The following SYT1 variants were observed in gnomAD, a reference collection of about 807,000 sequenced individuals.
The protein encoded by SYT1 is synaptotagmin 1, also known as synaptotagmin-1.
A neutral mutation model predicts 44.8 loss-of-function variants in SYT1; 8 were observed. The ratio of observed to expected loss-of-function variants is 0.18; its 90% CI spans 0.10 to 0.32. The LOEUF (loss-of-function observed/expected upper bound fraction) is 0.32. SYT1 is among the 10% of genes least tolerant of loss of function. The pLI is 1.00. For missense variants in SYT1, 286 were observed against 509.3 expected (o/e 0.56, Z 4.22); for synonymous variants, 154 against 188.8 (o/e 0.82, Z 1.51).
At chr12:79,097,447 G>A (rs1878201754) in intron 3 of SYT1, among the ~76,000 whole-genome samples, 1 of 151,950 alleles carries the variant, frequency 6.6e-6, no homozygotes, top group Non-Finnish European at 1.5e-5. Flanking sequence ...TTAGCCAGAG[G>A]TCATTGATAT....
chr12:79,081,568 C>T (rs893870257), intron 3 of SYT1, among the ~76,000 whole-genome samples: 4 of 151,706 alleles, frequency 2.6e-5, no homozygotes, highest in East Asian at 1.9e-4. Context: ...TTAGTGGAGA[C>T]GGGTTTCATC....
chr12:79,072,084 TAC>T (rs1043540525), intron 3 of SYT1, among the ~76,000 whole-genome samples: 1 of 152,178 alleles, frequency 6.6e-6, no homozygotes, highest in African/African-American at 2.4e-5. Flanking sequence ...GGCATATATA[TAC>T]ACAGCTGTCA....
chr12:79,131,194 T>C (rs561755249), intron 3 of SYT1, among the ~76,000 whole-genome samples: 1 of 152,200 alleles, frequency 6.6e-6, no homozygotes, highest in Middle Eastern at 3.4e-3. Flanking sequence ...GCAGGTTTGT[T>C]ACATAGGTAT....
At chr12:78,952,099 T>C (rs979508220) in intron 1 of SYT1, among the ~76,000 whole-genome samples, 3 of 152,152 alleles carry the variant, frequency 2.0e-5, no homozygotes, top group Non-Finnish European at 4.4e-5. Flanking sequence ...AGAAGCTTGA[T>C]CATTTACATT....
intron 1 of SYT1, among the ~76,000 whole-genome samples, chr12:78,913,723 A>T (rs990058404): frequency 3.3e-5 from 5 of 151,880 alleles, no homozygotes; most frequent in Non-Finnish European, 5.9e-5. Context: ...TGATTTATTT[A>T]ACACAATGGT....
In SYT1 at chr12:79,179,068, A is replaced by C. The variant is rs183798301; in HGVS notation, c.-17-38435A>C. ...TATAGATATATAGATATAGATATAG[A>C]TATATAGATATAGATATAGATATAT... is the stretch of plus-strand genomic sequence containing the variant. On this transcript the variant is annotated intron_variant, in intron 3 of 10. Transcript: ENST00000261205. 4.2e-3 allele frequency among the ~76,000 whole-genome samples: 296 copies of C among 70,722 alleles called. 31 individuals are homozygous for C. Among genetic ancestry groups the C allele is most frequent in the Middle Eastern group, 0.018 (2 of 110 alleles). 46.4% of individuals were successfully genotyped at this position (70,722 alleles called of 152,430 possible).
intron 2 of SYT1, among the ~76,000 whole-genome samples, chr12:79,015,089 A>T (rs1334158476): frequency 3.3e-5 from 5 of 152,010 alleles, no homozygotes; most frequent in Non-Finnish European, 7.4e-5. Flanking sequence ...GAGGGATAGC[A>T]TTAGGAGATA....
At chr12:79,069,509 T>G (rs1341741152) in intron 3 of SYT1, among the ~76,000 whole-genome samples, 1 of 151,866 alleles carries the variant, frequency 6.6e-6, no homozygotes, top group Non-Finnish European at 1.5e-5. Context: ...ATGTTGAGAC[T>G]CTAAGTGATT....
chr12:79,055,339 GAT>G (rs1454673627), intron 3 of SYT1, among the ~76,000 whole-genome samples: 3 of 151,898 alleles, frequency 2.0e-5, no homozygotes, highest in Non-Finnish European at 2.9e-5. Flanking sequence ...TCATGACTCT[GAT>G]ATGTAAGTTG....
chr12:79,424,661 C>T (rs1395121121), intron 9 of SYT1, among the ~76,000 whole-genome samples: 2 of 152,094 alleles, frequency 1.3e-5, no homozygotes, highest in African/African-American at 4.8e-5. Context: ...TTGGTAAAGA[C>T]TGGTTTTTAC....
intron 1 of SYT1, among the ~76,000 whole-genome samples, chr12:78,884,280 A>G (rs10861082): frequency 0.48 from 72,447 of 151,256 alleles, 18,064 homozygotes; most frequent in Non-Finnish European, 0.55. Context: ...GTGATTTTTA[A>G]ATGTATAGTT....
At chr12:79,287,579 A>G (rs1216038130) in intron 5 of SYT1, among the ~76,000 whole-genome samples, 1 of 152,188 alleles carries the variant, frequency 6.6e-6, no homozygotes, top group African/African-American at 2.4e-5. Flanking sequence ...TATCTTTTTC[A>G]TAATTATCAT....
intron 1 of SYT1, chr12:78,964,115 C>T (rs1879651620): frequency 6.6e-6 from 1 of 152,084 alleles, no homozygotes; most frequent in African/African-American, 2.4e-5. Flanking sequence ...AATTTTTAAT[C>T]ATAATTTAGA....
intron 9 of SYT1, among the ~76,000 whole-genome samples, chr12:79,388,420 C>T (rs1057461539): frequency 3.3e-5 from 5 of 152,074 alleles, no homozygotes; most frequent in African/African-American, 1.2e-4. Flanking sequence ...CTTGGCCAGT[C>T]ACAGTGGCTC....
chr12:79,108,926 C>T (rs1418045628), intron 3 of SYT1, among the ~76,000 whole-genome samples: 1 of 152,174 alleles, frequency 6.6e-6, no homozygotes. Context: ...TAATAACTAT[C>T]ATAACATTAG....
intron 1 of SYT1, among the ~76,000 whole-genome samples, chr12:78,874,697 A>G (rs1873977347): frequency 6.6e-6 from 1 of 151,642 alleles, no homozygotes; most frequent in African/African-American, 2.4e-5. Flanking sequence ...AAAGTTCATG[A>G]ATATTCTGGC....
intron 8 of SYT1, among the ~76,000 whole-genome samples, chr12:79,332,762 T>C (rs556955229): frequency 6.6e-6 from 1 of 152,324 alleles, no homozygotes; most frequent in East Asian, 1.9e-4. Context: ...TTGTTTCAAA[T>C]ACGTCATTTA....
chr12:79,245,870 T>A (rs898874283), intron 4 of SYT1, among the ~76,000 whole-genome samples: 3 of 151,870 alleles, frequency 2.0e-5, no homozygotes, highest in Non-Finnish European at 2.9e-5. Flanking sequence ...TATATAACAG[T>A]AGACTAACAC....
intron 3 of SYT1, among the ~76,000 whole-genome samples, chr12:79,214,939 A>G (rs796151357): frequency 9.5e-5 from 9 of 95,184 alleles, no homozygotes; most frequent in East Asian, 2.5e-4. Flanking sequence ...TAATGTGTGT[A>G]TATGTGTGTG....
Sources: gnomAD v4.1 joint callset for allele counts (sites outside exome capture counted in the v4.1 genomes callset) on GRCh38, gnomAD v4.1.1 for gene constraint, MANE v1.5 for transcripts, NCBI Gene and HGNC (gene_info 2026-07-23, HGNC 2026-07-21) for gene names.